The following FDFT1 variants were observed in gnomAD, a reference collection of about 807,000 sequenced individuals.
The protein encoded by FDFT1 is squalene synthase.
FDFT1 carries 68 observed loss-of-function variants against 46.8 expected under a neutral mutation model. The ratio of observed to expected loss-of-function variants is 1.45; its 90% CI spans 1.19 to 1.78. The LOEUF is 1.78. Ranked by LOEUF, FDFT1 falls within the 40% of genes most tolerant of loss-of-function variation. The probability of loss-of-function intolerance (pLI) is 0.00; values close to 1 mark genes in which losing one functional copy is unlikely to be tolerated. For missense variants in FDFT1, 928 were observed against 524.4 expected (o/e 1.77, Z -7.52); for synonymous variants, 351 against 185.1 (o/e 1.90, Z -7.28).
intron 3 of FDFT1, among the ~76,000 whole-genome samples, chr8:11,813,734 C>T (rs550753734): frequency 6.6e-6 from 1 of 152,316 alleles, no homozygotes; most frequent in South Asian, 2.1e-4. Flanking sequence ...CCTTCTTGTA[C>T]TTGGAACCAT....
intron 7 of FDFT1, among the ~76,000 whole-genome samples, chr8:11,837,363 G>A (rs1369483313): frequency 6.6e-6 from 1 of 152,178 alleles, no homozygotes; most frequent in East Asian, 1.9e-4. Flanking sequence ...CCAAGTAGCT[G>A]GGGGACCACA....
chr8:11,826,571 T>A (rs939790572), intron 5 of FDFT1, among the ~76,000 whole-genome samples: 1 of 152,172 alleles, frequency 6.6e-6, no homozygotes, highest in African/African-American at 2.4e-5. Flanking sequence ...CCCAACAGTT[T>A]GAGAGGCCAA....
chr8:11,806,136 C>A (rs1481963606), intron 1 of FDFT1, among the ~76,000 whole-genome samples: 2 of 152,120 alleles, frequency 1.3e-5, no homozygotes, highest in Non-Finnish European at 2.9e-5. Context: ...GGCTGGAGCC[C>A]CTTCCTGGGA....
At chr8:11,803,685 AT>A (rs1416459253) in intron 1 of FDFT1, 1 of 303,570 alleles carries the variant, frequency 3.3e-6, no homozygotes, top group Non-Finnish European at 5.8e-6. Context: ...AGCCTGGCTG[AT>A]TTCTGTAACT....
At chr8:11,833,638 C>G (rs955391064) in intron 7 of FDFT1, among the ~76,000 whole-genome samples, 2 of 152,184 alleles carry the variant, frequency 1.3e-5, no homozygotes, top group African/African-American at 4.8e-5. Flanking sequence ...CTACAGTTGG[C>G]TGAGCCCTGT....
At chr8:11,807,507 A>G (rs1736062) in intron 1 of FDFT1, among the ~76,000 whole-genome samples, 115,198 of 151,918 alleles carry the variant, frequency 0.76, 43,697 homozygotes, top group South Asian at 0.81. Flanking sequence ...GAACTGTTGT[A>G]AGACTGTGGG....
chr8:11,803,993 T>C lies in FDFT1; in HGVS notation c.99+1062T>C, dbSNP rs184974686. On this transcript the variant is annotated intron_variant, in intron 1 of 7. Coordinates refer to ENST00000220584, the MANE Select transcript of FDFT1 (RefSeq NM_004462.5). ...ACAGAATAACTTCTATTATTTGATA[T>C]GGCAGATGTCACTTTTTATATTTAG... Among the ~76,000 whole-genome samples the C allele has an allele frequency of 2.0e-5, 3 of 152,278 alleles. No individual in the cohort carries two copies. In the South Asian group the frequency reaches 6.2e-4, roughly 31 times the overall value.
At chr8:11,810,070 C>G (rs781650478) in intron 3 of FDFT1, 27 of 504,378 alleles carry the variant, frequency 5.4e-5, no homozygotes, top group Non-Finnish European at 8.4e-5. Context: ...CTTACAAAGA[C>G]TCTCTGTGCC....
chr8:11,804,368 G>T (rs190002161), intron 1 of FDFT1, among the ~76,000 whole-genome samples: 85 of 152,184 alleles, frequency 5.6e-4, no homozygotes, highest in Non-Finnish European at 3.1e-4. Flanking sequence ...ATGGTAAGTG[G>T]GTAGAGAAAG....
At chr8:11,829,583 G>A (rs142330851) in intron 5 of FDFT1, among the ~76,000 whole-genome samples, 4 of 152,280 alleles carry the variant, frequency 2.6e-5, no homozygotes, top group Admixed American at 2.6e-4. Flanking sequence ...AACTGTTTTT[G>A]TATATTGGGT....
chr8:11,803,069 T>A (rs1395733736), intron 1 of FDFT1, 138 bp downstream of exon 1: 2 of 1,449,604 alleles, frequency 1.4e-6, no homozygotes, highest in African/African-American at 1.4e-5. Context: ...CGTCCCCCTT[T>A]CCTCGAGCCT....
intron 3 of FDFT1, among the ~76,000 whole-genome samples, chr8:11,810,412 A>AG (rs1807546617): frequency 6.6e-6 from 1 of 152,186 alleles, no homozygotes; most frequent in Non-Finnish European, 1.5e-5. Flanking sequence ...GTTGGCAGCT[A>AG]GGGCGAGCCT....
At chr8:11,803,122 C>G (rs1010622293) in intron 1 of FDFT1, 191 bp downstream of exon 1, 24 of 1,428,984 alleles carry the variant, frequency 1.7e-5, no homozygotes, top group South Asian at 4.4e-5. Flanking sequence ...CCTGGCTGAC[C>G]TGTCCCTGCC....
intron 3 of FDFT1, among the ~76,000 whole-genome samples, chr8:11,810,352 A>T (rs1807533434): frequency 6.6e-6 from 1 of 152,174 alleles, no homozygotes; most frequent in Admixed American, 6.5e-5. Context: ...GCCTGGTAGC[A>T]TGGGACTGCT....
chr8:11,824,303 C>G (rs1013926637), intron 4 of FDFT1, among the ~76,000 whole-genome samples: 2 of 151,968 alleles, frequency 1.3e-5, no homozygotes, highest in Non-Finnish European at 2.9e-5. Context: ...CAGCTTTTGA[C>G]AAATTGCTGT....
At chr8:11,800,459 G>A (rs1806005840), upstream of FDFT1, among the ~76,000 whole-genome samples, 1 of 152,032 alleles carries the variant, frequency 6.6e-6, no homozygotes, top group East Asian at 1.9e-4. Context: ...GGCTGGAACG[G>A]TGCCTCACGT....
rs752435560 is a variant in FDFT1 at position 11,823,888 on chromosome 8, T to C, written c.510+2010T>C. ...CCTCCCCATTAGCTGGGACTATAGG[T>C]CCACACCACTACACCAGGCTAATTT... On this transcript the variant is annotated intron_variant, in intron 4 of 7. Coordinates refer to ENST00000220584, the MANE Select transcript of FDFT1 (RefSeq NM_004462.5). Among the ~76,000 whole-genome samples the C allele has an allele frequency of 1.2e-4, 18 of 151,862 alleles. 1 individual carries two copies.
Position 11,826,233 on chromosome 8 carries a change from T to C in FDFT1, c.702+18T>C, listed in dbSNP as rs115409999. 1.7e-3 allele frequency: 2,481 copies of C among 1,483,712 alleles called. 36 individuals are homozygous for C. The African/African-American group carries it at 0.03, about 18-fold the overall frequency. 91.9% of individuals were successfully genotyped at this position (1,483,712 alleles called of 1,614,324 possible). ...CTCAAGAGGTAACAGATTCAGGGTA[T>C]TTTGGGGGAAAATAACTTTAGACAT... On this transcript the variant is annotated intron_variant, in intron 5 of 7. Coordinates refer to ENST00000220584, the MANE Select transcript of FDFT1 (RefSeq NM_004462.5).
At chr8:11,814,833 A>G (rs756414893) in intron 3 of FDFT1, among the ~76,000 whole-genome samples, 37 of 152,130 alleles carry the variant, frequency 2.4e-4, no homozygotes, top group Admixed American at 1.2e-3. Flanking sequence ...TCTGCTCACT[A>G]GAATCTAAGC....
Sources: allele counts gnomAD v4.1 joint callset (sites outside exome capture counted in the v4.1 genomes callset), GRCh38; gene constraint gnomAD v4.1.1; transcripts MANE v1.5; gene names NCBI Gene and HGNC (gene_info 2026-07-23, HGNC 2026-07-21).